MECOM: variants seen among roughly 807,000 people sequenced by gnomAD.
MECOM encodes histone-lysine N-methyltransferase MECOM.
MECOM carries 13 observed loss-of-function variants against 116.3 expected under a neutral mutation model. The observed-to-expected ratio is 0.11, with a 90% confidence interval of 0.07 to 0.18. The LOEUF (loss-of-function observed/expected upper bound fraction) is 0.18. MECOM is among the 10% of genes least tolerant of loss of function. The pLI is 1.00. For missense variants in MECOM, 1,299 were observed against 1,509.0 expected (o/e 0.86, Z 2.31); for synonymous variants, 528 against 535.2 (o/e 0.99, Z 0.19).
At chr3:169,215,399 C>A (rs892172809) in intron 2 of MECOM, among the ~76,000 whole-genome samples, 1 of 152,060 alleles carries the variant, frequency 6.6e-6, no homozygotes, top group Non-Finnish European at 1.5e-5. Flanking sequence ...TGAAATCCTC[C>A]ATTTCTTTTA....
At chr3:169,653,121 A>G (rs983902000) in intron 1 of MECOM, among the ~76,000 whole-genome samples, 4 of 152,230 alleles carry the variant, frequency 2.6e-5, no homozygotes, top group African/African-American at 9.6e-5. Context: ...ATCACTGTCA[A>G]AATAGGTCAA....
intron 2 of MECOM, among the ~76,000 whole-genome samples, chr3:169,294,614 A>C (rs754860353): frequency 5.9e-5 from 9 of 152,152 alleles, no homozygotes; most frequent in South Asian, 4.2e-4. Context: ...AAACAAACAA[A>C]CAACCAAATA....
At chr3:169,215,464 C>A (rs1010519909) in intron 2 of MECOM, among the ~76,000 whole-genome samples, 3 of 152,098 alleles carry the variant, frequency 2.0e-5, no homozygotes, top group Non-Finnish European at 4.4e-5. Flanking sequence ...TGTCCTTACT[C>A]ACTGGGAACA....
chr3:169,658,901 G>T (rs1000382828), intron 1 of MECOM, among the ~76,000 whole-genome samples: 1 of 152,054 alleles, frequency 6.6e-6, no homozygotes, highest in African/African-American at 2.4e-5. Flanking sequence ...CGTGCCGGGG[G>T]CAACTCCGCT....
intron 2 of MECOM, among the ~76,000 whole-genome samples, chr3:169,251,873 T>C (rs1756281620): frequency 6.6e-6 from 1 of 152,196 alleles, no homozygotes; most frequent in African/African-American, 2.4e-5. Context: ...TATTGCTGCA[T>C]TGCTTTTAAA....
intron 1 of MECOM, among the ~76,000 whole-genome samples, chr3:169,430,128 A>G (rs1167807569): frequency 6.6e-6 from 1 of 152,218 alleles, no homozygotes; most frequent in Non-Finnish European, 1.5e-5. Flanking sequence ...AGAACTAGCT[A>G]AAGGTAATTT....
At chr3:169,500,570 T>A (rs1213222860) in intron 1 of MECOM, among the ~76,000 whole-genome samples, 1 of 151,948 alleles carries the variant, frequency 6.6e-6, no homozygotes, top group Non-Finnish European at 1.5e-5. Flanking sequence ...ACAAACTTTT[T>A]AATAGTTTAT....
At chr3:169,475,326 T>G (rs1224195791) in intron 1 of MECOM, among the ~76,000 whole-genome samples, 1 of 152,220 alleles carries the variant, frequency 6.6e-6, no homozygotes, top group Non-Finnish European at 1.5e-5. Flanking sequence ...CAGCAAACTT[T>G]GTCCCCTGGC....
intron 2 of MECOM, among the ~76,000 whole-genome samples, chr3:169,210,932 A>G (rs1012602613): frequency 6.6e-6 from 1 of 152,156 alleles, no homozygotes; most frequent in Non-Finnish European, 1.5e-5. Context: ...ACTCTAAGAG[A>G]TTTGCCCATT....
At chr3:169,146,575 G>C (rs1266211090) in intron 2 of MECOM, 1 of 1,374,966 alleles carries the variant, frequency 7.3e-7, no homozygotes, top group Non-Finnish European at 9.7e-7. Flanking sequence ...ATAAGCAGCA[G>C]GGCTCCGCGA....
At chr3:169,395,683 A>G (rs1199446294) in intron 1 of MECOM, among the ~76,000 whole-genome samples, 1 of 152,214 alleles carries the variant, frequency 6.6e-6, no homozygotes, top group East Asian at 1.9e-4. Context: ...ATCCATATTT[A>G]TGTCCTTTTC....
chr3:169,219,831 A>T (rs1425687862), intron 2 of MECOM, among the ~76,000 whole-genome samples: 2 of 149,164 alleles, frequency 1.3e-5, no homozygotes, highest in East Asian at 1.9e-4. Context: ...TATATATATA[A>T]AATCATCCTA....
intron 2 of MECOM, among the ~76,000 whole-genome samples, chr3:169,338,750 A>G (rs1461635931): frequency 6.6e-6 from 1 of 151,996 alleles, no homozygotes; most frequent in Non-Finnish European, 1.5e-5. Context: ...CTGTTATACT[A>G]CACACAATCT....
chr3:169,568,539 G>A (rs1186659624), intron 1 of MECOM, among the ~76,000 whole-genome samples: 1 of 152,150 alleles, frequency 6.6e-6, no homozygotes, highest in Non-Finnish European at 1.5e-5. Flanking sequence ...GGGGGGAGGG[G>A]CATCCACCAT....
chr3:169,544,528 G>A (rs1183056998), intron 1 of MECOM, among the ~76,000 whole-genome samples: 1 of 152,074 alleles, frequency 6.6e-6, no homozygotes, highest in Non-Finnish European at 1.5e-5. Context: ...AGCATCTGTT[G>A]TTTCTTGACT....
At chr3:169,448,158 C>G (rs1329598850) in intron 1 of MECOM, among the ~76,000 whole-genome samples, 1 of 152,080 alleles carries the variant, frequency 6.6e-6, no homozygotes, top group Non-Finnish European at 1.5e-5. Context: ...AGTAGACATT[C>G]AAAAAATATT....
intron 1 of MECOM, among the ~76,000 whole-genome samples, chr3:169,418,125 C>CAAAAAAAAAAAAAAAAAACAAAAA (rs568727385): frequency 8.5e-6 from 1 of 118,160 alleles, no homozygotes. Context: ...AAAAACTAAA[C>CAAAAAAAAAAAAAAAAAACAAAAA]AAAAAAAAAA....
At chr3:169,316,252 G>A (rs1401503007) in intron 2 of MECOM, among the ~76,000 whole-genome samples, 2 of 152,196 alleles carry the variant, frequency 1.3e-5, no homozygotes, top group African/African-American at 2.4e-5. Context: ...TAAACACACA[G>A]CTCAGAAACA....
chr3:169,304,122 A>G (rs1375091124), intron 2 of MECOM, among the ~76,000 whole-genome samples: 2 of 152,254 alleles, frequency 1.3e-5, no homozygotes, highest in African/African-American at 4.8e-5. Flanking sequence ...CTTCCAATGA[A>G]TCAATTGAAT....
Sources: allele counts gnomAD v4.1 joint callset (sites outside exome capture counted in the v4.1 genomes callset), GRCh38; gene constraint gnomAD v4.1.1; transcripts MANE v1.5; gene names NCBI Gene and HGNC (gene_info 2026-07-23, HGNC 2026-07-21).